ITGB5: variants seen among roughly 807,000 people sequenced by gnomAD.
ITGB5 encodes integrin subunit beta 5.
In ITGB5, 38 loss-of-function variants were observed where a neutral mutation model predicts 84.8. That is an observed-to-expected ratio of 0.45 (90% confidence interval 0.35 to 0.59). ITGB5 has a LOEUF of 0.59. ITGB5 is among the 20% of genes least tolerant of loss of function. ITGB5 has a pLI of 0.01. For missense variants in ITGB5, 905 were observed against 1,034.5 expected (o/e 0.87, Z 1.72); for synonymous variants, 393 against 414.4 (o/e 0.95, Z 0.63).
chr3:124,796,482 G>C lies in ITGB5; in HGVS notation c.1599C>G (p.Cys533Trp). 6.2e-7 allele frequency: 1 copy of C among 1,614,134 alleles called. No individual in the cohort carries two copies. Among genetic ancestry groups the C allele is most frequent in the South Asian group, 1.1e-5 (1 of 91,090 alleles). ...TGCCAAACTCGCTCTCGAAGCAGGA[G>C]CACTGGTTGCAGCTGCAGTCCCCAC... is the stretch of plus-strand genomic sequence containing the variant. Reference protein sequence around the residue: ...SGRGDCSCNQCSCFESEFGKI... With the variant: ...SGRGDCSCNQWSCFESEFGKI... The change falls in exon 10 of 15, where the codon TGC (cysteine) becomes TGG (tryptophan). Residue 533 changes from cysteine to tryptophan, a missense_variant. Cys to Trp is a radical substitution (Grantham distance 215). Around this residue, in one of 3 missense-constraint regions of ITGB5, gnomAD observed 656 missense variants for 734.7 expected, o/e 0.89. Transcript: ENST00000296181.
At position 124,871,348 on chromosome 3, in the gene ITGB5, C is replaced by T. The variant is rs139771241; in HGVS notation, c.156+2098G>A. Among the ~76,000 whole-genome samples the T allele has an allele frequency of 1.0e-2, 1,516 of 152,260 alleles. 8 individuals are homozygous for T. Among genetic ancestry groups the T allele is most frequent in the Non-Finnish European group, 0.016 (1,112 of 68,008 alleles). ...TAGCTGGGATTACAGGTGCATGACA[C>T]CACGCCTGGCTAATTTTTTGTATCT... On this transcript the variant is annotated intron_variant, in intron 2 of 14. Coordinates refer to ENST00000296181, the MANE Select transcript of ITGB5 (RefSeq NM_002213.5).
chr3:124,895,214 G>A (rs1035776250), intron 1 of ITGB5, among the ~76,000 whole-genome samples: 6 of 152,136 alleles, frequency 3.9e-5, no homozygotes, highest in East Asian at 1.9e-4. Flanking sequence ...CAGCCACCTC[G>A]GCACCACTTT....
At chr3:124,888,695 C>T (rs1418266552), upstream of ITGB5, among the ~76,000 whole-genome samples, 1 of 152,240 alleles carries the variant, frequency 6.6e-6, no homozygotes, top group East Asian at 1.9e-4. Context: ...TAGGATGCCT[C>T]GTTCAAAAGT....
At chr3:124,813,327 C>T (rs2064534968) in intron 8 of ITGB5, among the ~76,000 whole-genome samples, 1 of 152,160 alleles carries the variant, frequency 6.6e-6, no homozygotes, top group African/African-American at 2.4e-5. Flanking sequence ...GATTTTTCCC[C>T]CACACACCAT....
chr3:124,890,502 T>C (rs1371513572), upstream of ITGB5, among the ~76,000 whole-genome samples: 3 of 152,134 alleles, frequency 2.0e-5, no homozygotes, highest in African/African-American at 7.2e-5. Flanking sequence ...CCCGGCCTTA[T>C]CTAGCATTCT....
At chr3:124,807,176 G>A (rs2064418049) in intron 9 of ITGB5, among the ~76,000 whole-genome samples, 3 of 152,206 alleles carry the variant, frequency 2.0e-5, no homozygotes, top group South Asian at 4.1e-4. Context: ...AGCACTTTGG[G>A]AGGCTGCAGT....
rs2063765127 is a variant in ITGB5 at position 124,766,215 on chromosome 3, C to A, written c.2137+11G>T. ...GGCTGAGTGGGCCGAGCCCTTGCAGCCCTCACCTACCTGGCTCCCTGAGGA... is the reference window on the plus strand; with the variant it reads ...GGCTGAGTGGGCCGAGCCCTTGCAGACCTCACCTACCTGGCTCCCTGAGGA... On this transcript the variant is annotated intron_variant, in intron 13 of 14. Transcript: ENST00000296181. 2 of 1,612,178 alleles carry A rather than the reference C, an allele frequency of 1.2e-6. No homozygotes were observed. The highest frequency in any genetic ancestry group is 2.2e-5 in the South Asian group (2 of 90,702).
chr3:124,855,461 A>T (rs932173570), intron 3 of ITGB5, among the ~76,000 whole-genome samples: 1 of 152,152 alleles, frequency 6.6e-6, no homozygotes, highest in Non-Finnish European at 1.5e-5. Context: ...CTCCCCACAA[A>T]TTCTTCAGGT....
At chr3:124,785,510 G>A (rs931896248) in intron 10 of ITGB5, among the ~76,000 whole-genome samples, 8 of 151,468 alleles carry the variant, frequency 5.3e-5, no homozygotes, top group Non-Finnish European at 7.4e-5. Context: ...GCGTGAACCC[G>A]GGAGGCAGAG....
Position 124,762,845 on chromosome 3 carries a change from C to T in ITGB5, c.*778G>A, listed in dbSNP as rs1201552460. The stretch of plus-strand genomic sequence containing the variant: ...CTTGACAAGCTGCAGTCTGGAGTAT[C>T]AGACCAGCCTGTGTCCCATCCCTGA... On this transcript the variant is annotated 3_prime_UTR_variant, in exon 15 of 15. Transcript: ENST00000296181. 6.6e-6 allele frequency: 1 copy of T among 152,284 alleles called. No individual in the cohort carries two copies. The highest frequency in any genetic ancestry group is 1.5e-5 in the Non-Finnish European group (1 of 68,106). 9.4% of individuals were successfully genotyped at this position (152,284 alleles called of 1,614,324 possible).
At chr3:124,899,767 T>C (rs1579356224) in intron 1 of ITGB5, among the ~76,000 whole-genome samples, 1 of 144,890 alleles carries the variant, frequency 6.9e-6, no homozygotes, top group Admixed American at 7.3e-5. Context: ...AGTGGGAGGG[T>C]TGCTTGAGCC....
At chr3:124,889,402 A>G (rs1934944065), upstream of ITGB5, among the ~76,000 whole-genome samples, 5 of 152,340 alleles carry the variant, frequency 3.3e-5, no homozygotes, top group South Asian at 1.0e-3. Flanking sequence ...TGTACGTCTT[A>G]CACATATTGA....
chr3:124,821,859 C>T (rs1297451945), intron 5 of ITGB5, among the ~76,000 whole-genome samples: 1 of 150,034 alleles, frequency 6.7e-6, no homozygotes, highest in Non-Finnish European at 1.5e-5. Context: ...AACTTTTAAC[C>T]TTTCCCCCAA....
At chr3:124,794,846 A>G (rs2064198855) in intron 10 of ITGB5, among the ~76,000 whole-genome samples, 1 of 151,818 alleles carries the variant, frequency 6.6e-6, no homozygotes, top group South Asian at 2.1e-4. Flanking sequence ...GAGAAGGAGG[A>G]GGAGAAGGAG....
chr3:124,782,896 G>A (rs117272604), intron 10 of ITGB5, among the ~76,000 whole-genome samples: 1,987 of 152,166 alleles, frequency 0.013, 33 homozygotes, highest in South Asian at 0.044. Context: ...TTGTGAATAT[G>A]GAGGAAAGGG....
intron 10 of ITGB5, among the ~76,000 whole-genome samples, chr3:124,779,750 A>C (rs76706866): frequency 0.021 from 3,220 of 152,210 alleles, 134 homozygotes; most frequent in African/African-American, 0.073. Context: ...TAGCTCGCTT[A>C]ACCTCTATAA....
chr3:124,803,168 T>C (rs1279944805), intron 9 of ITGB5, among the ~76,000 whole-genome samples: 2 of 152,164 alleles, frequency 1.3e-5, no homozygotes, highest in Non-Finnish European at 2.9e-5. Flanking sequence ...ATTTCCCCAT[T>C]TTTCTGAGGT....
At chr3:124,868,618 C>CAAAAAAAAAAA (rs67873873) in intron 2 of ITGB5, among the ~76,000 whole-genome samples, 10 of 68,146 alleles carry the variant, frequency 1.5e-4, no homozygotes, top group Middle Eastern at 0.015. Context: ...TGTTCTCTAC[C>CAAAAAAAAAAA]AAAAAAAAAA....
intron 2 of ITGB5, among the ~76,000 whole-genome samples, chr3:124,872,396 T>C (rs989575668): frequency 2.0e-5 from 3 of 152,172 alleles, no homozygotes; most frequent in Admixed American, 6.5e-5. Context: ...ACAGAGCTAT[T>C]GTGAGGATCA....
Sources: gnomAD v4.1 joint callset for allele counts (sites outside exome capture counted in the v4.1 genomes callset) on GRCh38, gnomAD v4.1.1 for gene constraint, gnomAD v4.1.1 regional missense constraint, MANE v1.5 for transcripts, NCBI Gene and HGNC (gene_info 2026-07-23, HGNC 2026-07-21) for gene names.